The following MYL10 variants were observed in gnomAD, a reference collection of about 807,000 sequenced individuals.
MYL10 encodes myosin regulatory light chain 10.
A neutral mutation model predicts 21.9 loss-of-function variants in MYL10; 18 were observed. The ratio of observed to expected loss-of-function variants is 0.82; its 90% CI spans 0.57 to 1.22. The LOEUF (loss-of-function observed/expected upper bound fraction) is 1.22, where lower values mean the gene tolerates loss of function less well. Among genes scored for constraint, MYL10 ranks in the 50% most tolerant of loss-of-function variants. The pLI is 0.00. For missense variants in MYL10, 225 were observed against 230.4 expected (o/e 0.98, Z 0.15); for synonymous variants, 88 against 82.8 (o/e 1.06, Z -0.34).
intron 1 of MYL10, 60 bp from the exon 2 acceptor site, chr7:101,624,324 C>G (rs2130743272): frequency 8.0e-7 from 1 of 1,252,866 alleles, no homozygotes; most frequent in Non-Finnish European, 1.2e-6. Flanking sequence ...GCCCCCACCC[C>G]CTGTCTCACC....
Position 101,624,089 on chromosome 7 carries a change from G to T in MYL10, c.172-68C>A, listed in dbSNP as rs540694426. ...ACATCTTCAGCCCCTCGAGACTGAGGACTGAGCCTCTGCCCAGCTCCTTGA... is the reference window on the plus strand; with the variant it reads ...ACATCTTCAGCCCCTCGAGACTGAGTACTGAGCCTCTGCCCAGCTCCTTGA... On this transcript the variant is annotated intron_variant, in intron 2 of 7. Coordinates refer to ENST00000223167, the MANE Select transcript of MYL10 (RefSeq NM_138403.5). 1.5e-4 allele frequency: 119 copies of T among 795,940 alleles called. 1 individual carries two copies. The South Asian group carries it at 1.6e-3, about 11-fold the overall frequency. The allele number at this position is 795,940 out of a possible 1,614,324, so 49.3% of individuals were successfully genotyped here. A position where few individuals can be genotyped will look rare whatever the true frequency, so the allele number is the denominator to read the frequency against.
At position 101,623,121 on chromosome 7, in the gene MYL10, C is replaced by G. The variant is rs1217322071; in HGVS notation, c.274-49G>C. 3.2e-6 allele frequency: 5 copies of G among 1,558,272 alleles called. No individual in the cohort carries two copies. The African/African-American group carries it at 6.8e-5, about 21-fold the overall frequency. On this transcript the variant is annotated intron_variant, in intron 3 of 7. Coordinates refer to ENST00000223167, the MANE Select transcript of MYL10 (RefSeq NM_138403.5). ...TAGTCACCTGCCCTTCCAAGCCCGG[C>G]CACCTCCCCCAGGGACCGTCCTCCT... is the stretch of plus-strand genomic sequence containing the variant.
intron 6 of MYL10, among the ~76,000 whole-genome samples, chr7:101,614,754 G>C (rs568446692): frequency 6.6e-6 from 1 of 152,288 alleles, no homozygotes; most frequent in East Asian, 1.9e-4. Flanking sequence ...TCTTGGAGTT[G>C]AGAATGTGTG....
chr7:101,619,785 G>T (rs1167264558), intron 5 of MYL10, among the ~76,000 whole-genome samples: 2 of 149,004 alleles, frequency 1.3e-5, no homozygotes, highest in Non-Finnish European at 3.0e-5. Context: ...AGTTACTTGG[G>T]AACCTAAGGC....
intron 5 of MYL10, among the ~76,000 whole-genome samples, chr7:101,617,895 C>T (rs1483330146): frequency 1.3e-5 from 2 of 152,032 alleles, no homozygotes; most frequent in Non-Finnish European, 2.9e-5. Flanking sequence ...GGGTCAGAGC[C>T]AAGTGTGCTT....
chr7:101,613,852 G>T, intron 6 of MYL10, 142 bp from the exon 7 acceptor site: 1 of 768,324 alleles, frequency 1.3e-6, no homozygotes, highest in Non-Finnish European at 2.2e-6. Context: ...GACCCTGCCA[G>T]CCCCCCCGAT....
intron 1 of MYL10, among the ~76,000 whole-genome samples, chr7:101,625,604 C>T (rs1043257761): frequency 2.6e-5 from 4 of 152,000 alleles, no homozygotes; most frequent in Non-Finnish European, 4.4e-5. Context: ...CCCGCGTCGT[C>T]GAGGGCAGGG....
chr7:101,618,896 CT>C (rs1796642194), intron 5 of MYL10, among the ~76,000 whole-genome samples: 1 of 152,258 alleles, frequency 6.6e-6, no homozygotes, highest in South Asian at 2.1e-4. Flanking sequence ...TAGTCTCAAT[CT>C]TCCCATCTGC....
chr7:101,627,062 C>T (rs1344677100), intron 1 of MYL10, among the ~76,000 whole-genome samples: 2 of 151,312 alleles, frequency 1.3e-5, no homozygotes, highest in East Asian at 2.0e-4. Flanking sequence ...GAGGCCGAAG[C>T]GGGTGAATCA....
At chr7:101,622,345 TA>T (rs1474043439) in intron 4 of MYL10, 145 bp from the exon 5 acceptor site, 1 of 563,616 alleles carries the variant, frequency 1.8e-6, no homozygotes, top group African/African-American at 1.9e-5. Context: ...GGGGACTCTT[TA>T]GGGGGCATTT....
intron 3 of MYL10, among the ~76,000 whole-genome samples, chr7:101,623,434 C>A (rs1796704214): frequency 6.6e-6 from 1 of 152,194 alleles, no homozygotes; most frequent in Non-Finnish European, 1.5e-5. Context: ...GTGGCTCATG[C>A]CTGCAGTCCC....
At chr7:101,622,907 G>T in intron 4 of MYL10, 90 bp downstream of exon 4, 1 of 1,208,450 alleles carries the variant, frequency 8.3e-7, no homozygotes. Flanking sequence ...AGCCTCTCAC[G>T]CTCACCGCGA....
At chr7:101,627,756 G>A (rs1452211081) in intron 1 of MYL10, among the ~76,000 whole-genome samples, 1 of 152,208 alleles carries the variant, frequency 6.6e-6, no homozygotes, top group African/African-American at 2.4e-5. Flanking sequence ...TAGAGCCAAG[G>A]GACCAAGACC....
At chr7:101,618,455 G>C (rs969818280) in intron 5 of MYL10, among the ~76,000 whole-genome samples, 1 of 152,172 alleles carries the variant, frequency 6.6e-6, no homozygotes, top group Admixed American at 6.5e-5. Context: ...GTTTGTGGCC[G>C]GCTCCAGCCT....
chr7:101,616,201 G>A lies in MYL10; in HGVS notation c.533+19C>T, dbSNP rs1170939799. Reference sequence around the variant, plus strand: ...GGCTTATTCCCCTGAGCATTTTGGGGGAGTCAGGGGAAACTTACACATCGG... The same window carrying A: ...GGCTTATTCCCCTGAGCATTTTGGGAGAGTCAGGGGAAACTTACACATCGG... On this transcript the variant is annotated intron_variant, in intron 6 of 7. Coordinates refer to ENST00000223167, the MANE Select transcript of MYL10 (RefSeq NM_138403.5). The A allele has an allele frequency of 6.2e-7, 1 of 1,609,882 alleles. No individual in the cohort carries two copies. Among genetic ancestry groups the A allele is most frequent in the South Asian group, 1.1e-5 (1 of 90,948 alleles).
chr7:101,616,895 A>T (rs1562823531), intron 5 of MYL10, among the ~76,000 whole-genome samples: 1 of 152,260 alleles, frequency 6.6e-6, no homozygotes, highest in Non-Finnish European at 1.5e-5. Flanking sequence ...CGGGGGCAGA[A>T]GTGAAGCCAG....
At chr7:101,624,104 C>A in intron 2 of MYL10, 68 bp downstream of exon 2, 1 of 920,360 alleles carries the variant, frequency 1.1e-6, no homozygotes, top group Non-Finnish European at 1.8e-6. Flanking sequence ...AGCCTCTGCC[C>A]AGCTCCTTGA....
At chr7:101,623,313 A>G (rs1446901146) in intron 3 of MYL10, among the ~76,000 whole-genome samples, 1 of 152,222 alleles carries the variant, frequency 6.6e-6, no homozygotes, top group Non-Finnish European at 1.5e-5. Flanking sequence ...CAGCAAGCAC[A>G]GGGTCAGGTA....
intron 1 of MYL10, among the ~76,000 whole-genome samples, chr7:101,627,028 A>C (rs1796754049): frequency 6.6e-6 from 1 of 152,050 alleles, no homozygotes; most frequent in Non-Finnish European, 1.5e-5. Flanking sequence ...GCTGTGGCTC[A>C]CGCCTGTAAT....
Sources: gnomAD v4.1 joint callset for allele counts (sites outside exome capture counted in the v4.1 genomes callset) on GRCh38, gnomAD v4.1.1 for gene constraint, MANE v1.5 for transcripts, NCBI Gene and HGNC (gene_info 2026-07-23, HGNC 2026-07-21) for gene names.